Variants in WASF3 observed in about 807,000 individuals in gnomAD.
The protein encoded by WASF3 is actin-binding protein WASF3.
In WASF3, 11 loss-of-function variants were observed where a neutral mutation model predicts 46.6. The observed-to-expected ratio is 0.24, with a 90% CI of 0.15 to 0.39. The LOEUF is 0.39. WASF3 is among the 10% of genes least tolerant of loss of function. The pLI, the probability that WASF3 is intolerant of heterozygous loss-of-function variation, is 1.00. For missense variants in WASF3, 576 were observed against 669.8 expected, an observed-to-expected ratio of 0.86 and a Z score of 1.55; for synonymous variants, 242 against 259.7, an observed-to-expected ratio of 0.93 and a Z score of 0.65.
At chr13:26,648,089 CAAAAT>C (rs1258385393) in intron 3 of WASF3, among the ~76,000 whole-genome samples, 2 of 151,980 alleles carry the variant, frequency 1.3e-5, no homozygotes, top group Non-Finnish European at 2.9e-5. Flanking sequence ...AATTCTTACT[CAAAAT>C]AATTACATAC....
chr13:26,645,004 C>T (rs1442215910), intron 3 of WASF3, among the ~76,000 whole-genome samples: 2 of 152,094 alleles, frequency 1.3e-5, no homozygotes, highest in Non-Finnish European at 2.9e-5. Flanking sequence ...GCTTACAACC[C>T]AAAGAGCATT....
chr13:26,566,309 AC>A (rs1879461766), intron 1 of WASF3, among the ~76,000 whole-genome samples: 1 of 152,212 alleles, frequency 6.6e-6, no homozygotes, highest in African/African-American at 2.4e-5. Context: ...AGCAATGGAG[AC>A]TTTTCTCTCA....
intron 1 of WASF3, among the ~76,000 whole-genome samples, chr13:26,567,721 T>C: frequency 6.6e-6 from 1 of 151,904 alleles, no homozygotes; most frequent in South Asian, 2.1e-4. Flanking sequence ...TATATATATA[T>C]AATCTCCCTT....
intron 1 of WASF3, among the ~76,000 whole-genome samples, chr13:26,580,543 G>A (rs1247212131): frequency 6.6e-6 from 1 of 151,434 alleles, no homozygotes; most frequent in Non-Finnish European, 1.5e-5. Context: ...TTTGTTGCTT[G>A]TTGATATTTT....
intron 6 of WASF3, among the ~76,000 whole-genome samples, chr13:26,673,978 G>T (rs944044318): frequency 3.9e-5 from 6 of 152,206 alleles, no homozygotes; most frequent in East Asian, 1.9e-4. Flanking sequence ...GGAGAGGTGT[G>T]GGGGGCAGAT....
At chr13:26,565,292 A>T (rs570622321) in intron 1 of WASF3, among the ~76,000 whole-genome samples, 1 of 152,142 alleles carries the variant, frequency 6.6e-6, no homozygotes, top group African/African-American at 2.4e-5. Context: ...GGTGCCATTA[A>T]CCAGAAAGAT....
chr13:26,541,757 A>AT, the WASF3 span, among the ~76,000 whole-genome samples: 1 of 146,204 alleles, frequency 6.8e-6, no homozygotes, highest in Admixed American at 6.7e-5. Context: ...CCCTGGGATT[A>AT]CAGGCATGAG....
At chr13:26,558,375 G>C (rs1422357975) in intron 1 of WASF3, among the ~76,000 whole-genome samples, 1 of 152,120 alleles carries the variant, frequency 6.6e-6, no homozygotes, top group Non-Finnish European at 1.5e-5. Flanking sequence ...CCTCTCCCTC[G>C]AGGCTGCGGT....
intron 2 of WASF3, among the ~76,000 whole-genome samples, chr13:26,615,783 G>C (rs946218829): frequency 1.3e-5 from 2 of 151,998 alleles, no homozygotes; most frequent in African/African-American, 4.8e-5. Context: ...TTTCCCTTTT[G>C]TTTCCCTCCT....
intron 4 of WASF3, among the ~76,000 whole-genome samples, chr13:26,667,195 A>T (rs1006147090): frequency 6.6e-6 from 1 of 152,198 alleles, no homozygotes; most frequent in Non-Finnish European, 1.5e-5. Flanking sequence ...GTGCATTTAC[A>T]TGCCTGTTAC....
Position 26,665,120 on chromosome 13 carries a change from C to T in WASF3, c.226C>T (p.Leu76Phe). 1 of 1,614,106 alleles carries T rather than the reference C, an allele frequency of 6.2e-7. No individual in the cohort carries two copies. The highest frequency in any genetic ancestry group is 1.1e-5 in the South Asian group (1 of 91,074). The change falls in exon 4 of 10, where the codon CTT (leucine) becomes TTT (phenylalanine). Residue 76 changes from leucine to phenylalanine, a missense_variant. Leu to Phe is a conservative substitution (Grantham distance 22). Transcript: ENST00000335327. ...TTCTCTTCAAGACAGAATTGATCGC[C>T]TTGCTGTCAAAGTCACCCAGCTGGA... The part of the protein sequence containing the change: ...ANSLQDRIDR[L>F]AVKVTQLDST...
intron 1 of WASF3, among the ~76,000 whole-genome samples, chr13:26,611,806 T>C (rs1353723254): frequency 6.6e-6 from 1 of 151,936 alleles, no homozygotes; most frequent in Non-Finnish European, 1.5e-5. Context: ...ATAGGATGTA[T>C]AAAATGGAGT....
chr13:26,610,504 G>C (rs141382813), intron 1 of WASF3, among the ~76,000 whole-genome samples: 5 of 152,162 alleles, frequency 3.3e-5, no homozygotes, highest in Non-Finnish European at 5.9e-5. Flanking sequence ...ACATATATAT[G>C]TGTTTATTGA....
chr13:26,614,707 G>A (rs150301533), intron 2 of WASF3, among the ~76,000 whole-genome samples: 2 of 152,020 alleles, frequency 1.3e-5, no homozygotes, highest in Admixed American at 6.6e-5. Flanking sequence ...TTTTTAACAC[G>A]GATACTGTCT....
intron 1 of WASF3, among the ~76,000 whole-genome samples, chr13:26,610,893 C>T (rs1456907110): frequency 6.6e-6 from 1 of 152,166 alleles, no homozygotes; most frequent in Non-Finnish European, 1.5e-5. Flanking sequence ...GCTACGTATT[C>T]ACAAAGTCTA....
intron 1 of WASF3, among the ~76,000 whole-genome samples, chr13:26,598,851 C>T (rs1880556306): frequency 6.6e-6 from 1 of 152,114 alleles, no homozygotes; most frequent in Non-Finnish European, 1.5e-5. Context: ...TCTCTTTGCC[C>T]TGCTCTTTTT....
intron 1 of WASF3, among the ~76,000 whole-genome samples, chr13:26,608,567 T>A (rs183342736): frequency 1.1e-4 from 16 of 152,306 alleles, no homozygotes; most frequent in African/African-American, 3.6e-4. Context: ...AAGACCTTAC[T>A]ATTTGACATT....
At chr13:26,576,075 T>C (rs1028663997) in intron 1 of WASF3, among the ~76,000 whole-genome samples, 3 of 152,080 alleles carry the variant, frequency 2.0e-5, no homozygotes, top group African/African-American at 7.2e-5. Context: ...ATCTTGGAGG[T>C]ATATGTATTT....
At chr13:26,539,591 A>T in the WASF3 span, among the ~76,000 whole-genome samples, 1 of 152,044 alleles carries the variant, frequency 6.6e-6, no homozygotes, top group Non-Finnish European at 1.5e-5. Flanking sequence ...TTAAAAAAAA[A>T]ATTGTCCCAG....
Sources: gnomAD v4.1 joint callset for allele counts (sites outside exome capture counted in the v4.1 genomes callset) on GRCh38, gnomAD v4.1.1 for gene constraint, MANE v1.5 for transcripts, NCBI Gene and HGNC (gene_info 2026-07-23, HGNC 2026-07-21) for gene names.